Variants in NAF1 observed in about 807,000 individuals in gnomAD.
NAF1 encodes nuclear assembly factor 1 ribonucleoprotein, also known as H/ACA ribonucleoprotein complex non-core subunit NAF1.
NAF1 carries 11 observed loss-of-function variants against 40.6 expected under a neutral mutation model. That is an observed-to-expected ratio of 0.27 (90% CI 0.17 to 0.45). NAF1 has a LOEUF of 0.45. Ranked by LOEUF, NAF1 falls within the 20% of genes least tolerant of loss-of-function variation. NAF1 has a pLI of 1.00. For synonymous variants in NAF1, 260 were observed against 228.5 expected (o/e 1.14, Z -1.24); for missense variants, 607 against 611.1 (o/e 0.99, Z 0.07).
intron 2 of NAF1, among the ~76,000 whole-genome samples, chr4:163,111,744 G>A (rs1462603668): frequency 6.6e-6 from 1 of 152,180 alleles, no homozygotes; most frequent in Admixed American, 6.5e-5. Context: ...GCCACCGCTA[G>A]TGTTTTGTTC....
intron 2 of NAF1, among the ~76,000 whole-genome samples, chr4:163,162,258 G>C (rs1365905697): frequency 6.6e-6 from 1 of 152,180 alleles, no homozygotes; most frequent in East Asian, 1.9e-4. Flanking sequence ...TCAGGACAAA[G>C]TCATTCTTTT....
At chr4:163,122,697 A>G (rs1730549517), downstream of NAF1, among the ~76,000 whole-genome samples, 1 of 152,208 alleles carries the variant, frequency 6.6e-6, no homozygotes. Context: ...ACAGGTGAGT[A>G]GACCATGAGG....
chr4:163,105,433 AAATAG>A (rs1730036736), downstream of NAF1, among the ~76,000 whole-genome samples: 1 of 152,250 alleles, frequency 6.6e-6, no homozygotes, highest in South Asian at 2.1e-4. Flanking sequence ...AACTGGAGGC[AAATAG>A]AATAATCACA....
At chr4:163,166,321 C>G in intron 1 of NAF1, 42 bp downstream of exon 1, 1 of 1,531,232 alleles carries the variant, frequency 6.5e-7, no homozygotes, top group East Asian at 2.3e-5. Flanking sequence ...GCCCGTCATA[C>G]AAGACCTCTC....
downstream of NAF1, chr4:163,127,022 T>G (rs1560782324): frequency 6.4e-7 from 1 of 1,551,666 alleles, no homozygotes; most frequent in Non-Finnish European, 8.7e-7. Context: ...AAACGTAACT[T>G]TTATATGCAT....
intron 2 of NAF1, among the ~76,000 whole-genome samples, chr4:163,162,788 C>G (rs193157291): frequency 2.4e-4 from 37 of 152,200 alleles, no homozygotes; most frequent in African/African-American, 8.7e-4. Flanking sequence ...GCCTGAGAAC[C>G]CATTATCTAT....
chr4:163,112,525 T>A (rs1038766776), intron 2 of NAF1, among the ~76,000 whole-genome samples: 1 of 152,118 alleles, frequency 6.6e-6, no homozygotes, highest in African/African-American at 2.4e-5. Flanking sequence ...CAAAGAGAGC[T>A]CTGGATTTGT....
intron 2 of NAF1, among the ~76,000 whole-genome samples, chr4:163,149,551 C>A (rs1257519565): frequency 1.3e-5 from 2 of 152,104 alleles, no homozygotes. Flanking sequence ...GGGTCTCAAC[C>A]AACTGATGCA....
chr4:163,119,664 A>G (rs1730458571), intron 2 of NAF1: 1 of 152,214 alleles, frequency 6.6e-6, no homozygotes, highest in African/African-American at 2.4e-5. Flanking sequence ...AGCACTTCCC[A>G]GTGTGTTCTG....
intron 4 of NAF1, among the ~76,000 whole-genome samples, chr4:163,141,285 A>G (rs1411157510): frequency 6.6e-6 from 1 of 152,136 alleles, no homozygotes; most frequent in Non-Finnish European, 1.5e-5. Flanking sequence ...AATCACTTCA[A>G]CCCAGGAGGC....
At chr4:163,106,272 T>C (rs576470755), downstream of NAF1, among the ~76,000 whole-genome samples, 1 of 152,324 alleles carries the variant, frequency 6.6e-6, no homozygotes, top group Admixed American at 6.5e-5. Context: ...ATTTTGTAAA[T>C]TAAAGTATGC....
chr4:163,137,032 T>G (rs762202846), intron 6 of NAF1, among the ~76,000 whole-genome samples, 167 bp downstream of exon 6: 10 of 152,166 alleles, frequency 6.6e-5, no homozygotes, highest in Non-Finnish European at 1.3e-4. Flanking sequence ...CTGAAAGGTA[T>G]GAAATAGTCA....
rs145687872 is a variant in NAF1 at position 163,157,534 on chromosome 4, T to C, written c.540+6683A>G. Reference sequence around the variant, plus strand: ...ACGACAATTTAAATGTCCAACTGCATGTAATCAAAAAGACAACACATTAAT... The same window carrying C: ...ACGACAATTTAAATGTCCAACTGCACGTAATCAAAAAGACAACACATTAAT... On this transcript the variant is annotated intron_variant, in intron 2 of 7. Transcript: ENST00000274054. 40 of 152,046 alleles carry C rather than the reference T, an allele frequency of 2.6e-4. 1 individual carries two copies. The East Asian group carries it at 7.1e-3, about 27-fold the overall frequency. 9.4% of individuals were successfully genotyped at this position (152,046 alleles called of 1,614,324 possible). A position where few individuals can be genotyped will look rare whatever the true frequency, so the allele number is the denominator to read the frequency against.
At chr4:163,166,298 C>T (rs1732458424) in intron 1 of NAF1, 65 bp downstream of exon 1, 2 of 1,508,712 alleles carry the variant, frequency 1.3e-6, no homozygotes, top group Non-Finnish European at 1.8e-6. Context: ...GCTCCTAGGC[C>T]CCAGCCACCC....
rs759111760 is a variant in NAF1 at position 163,164,369 on chromosome 4, T to C, written c.388A>G (p.Ser130Gly). Residue 130 changes from serine (S) to glycine (G), a missense_variant, in exon 2 of 8, where the codon AGT (serine) becomes GGT (glycine). Physicochemically the swap from Ser to Gly is moderately conservative, Grantham distance 56. Around this residue, in one of 3 missense-constraint regions of NAF1, gnomAD observed 407 missense variants for 365.5 expected, o/e 1.11. Coordinates refer to ENST00000274054, the MANE Select transcript of NAF1 (RefSeq NM_138386.3). Reference protein sequence around the residue: ...SDSETDSDSSSSSSSSSSSSS... With the variant: ...SDSETDSDSSGSSSSSSSSSS... ...GAAGATGAAGAGGAAGACGATGAAC[T>C]TGAACTATCTGAATCTGTTTCACTG... The C allele has an allele frequency of 6.3e-7, 1 of 1,584,720 alleles. No homozygotes were observed. Among genetic ancestry groups the C allele is most frequent in the Admixed American group, 1.8e-5 (1 of 55,916 alleles).
Position 163,166,385 on chromosome 4 carries a change from C to T in NAF1, c.343G>A (p.Asp115Asn), listed in dbSNP as rs535175724. 7 of 1,605,816 alleles carry T rather than the reference C, an allele frequency of 4.4e-6. No homozygotes were observed. In the African/African-American group the frequency reaches 6.7e-5, roughly 15 times the overall value. ...ARAPDSLETS[D>N]SDSDSDSETD... ...GACCTGTCCGAGTCCGAATCCGAGT[C>T]CGAGGTCTCCAAGGAGTCCGGCGCC... Residue 115 changes from aspartate (D) to asparagine (N), a missense_variant, in exon 1 of 8, where the codon GAC becomes AAC. Transcript: ENST00000274054.
chr4:163,136,926 A>G (rs1277570217), intron 6 of NAF1, among the ~76,000 whole-genome samples: 1 of 152,238 alleles, frequency 6.6e-6, no homozygotes, highest in Non-Finnish European at 1.5e-5. Flanking sequence ...CAAAAATAGT[A>G]AACTACAATG....
chr4:163,159,935 A>G (rs1313694791), intron 2 of NAF1, among the ~76,000 whole-genome samples: 2 of 152,206 alleles, frequency 1.3e-5, no homozygotes, highest in Non-Finnish European at 2.9e-5. Context: ...ACTAATTTAT[A>G]AAACTCATTT....
intron 6 of NAF1, 146 bp from the exon 7 acceptor site, chr4:163,133,402 T>G (rs973517911): frequency 3.5e-6 from 2 of 572,614 alleles, no homozygotes; most frequent in East Asian, 5.6e-5. Flanking sequence ...TTTCTATATC[T>G]GAATTAGACA....
Sources: gnomAD v4.1 joint callset for allele counts (sites outside exome capture counted in the v4.1 genomes callset) on GRCh38, gnomAD v4.1.1 for gene constraint, gnomAD v4.1.1 regional missense constraint, MANE v1.5 for transcripts, NCBI Gene and HGNC (gene_info 2026-07-23, HGNC 2026-07-21) for gene names.